Variants in ZSWIM4 observed in about 807,000 individuals in gnomAD.
ZSWIM4 encodes zinc finger SWIM domain-containing protein 4.
A neutral mutation model predicts 102.5 loss-of-function variants in ZSWIM4; 62 were observed. That is an observed-to-expected ratio of 0.60 (90% CI 0.49 to 0.75). The LOEUF (loss-of-function observed/expected upper bound fraction) is 0.75. Ranked by LOEUF, ZSWIM4 falls within the 30% of genes least tolerant of loss-of-function variation. The probability of loss-of-function intolerance (pLI) is 0.00; values close to 1 mark genes in which losing one functional copy is unlikely to be tolerated. For synonymous variants in ZSWIM4, 652 were observed against 674.5 expected (o/e 0.97, Z 0.52); for missense variants, 1,280 against 1,529.6 (o/e 0.84, Z 2.72).
chr19:13,817,677 G>A (rs542736961), intron 8 of ZSWIM4, 45 bp from the exon 9 acceptor site: 46 of 1,598,442 alleles, frequency 2.9e-5, no homozygotes, highest in Non-Finnish European at 3.8e-5. Flanking sequence ...AGGGACCTTA[G>A]GGAAGGGGAT....
rs1416461108 is a variant in ZSWIM4 at position 13,804,530 on chromosome 19, C to G, written c.356-262C>G. ...GGCATGGTGGTGTGTGCCTGTAATC[C>G]CAGTTACTTGGGAGGCTGAAGCAGG... On this transcript the variant is annotated intron_variant, in intron 2 of 13. Coordinates refer to ENST00000590508, the MANE Select transcript of ZSWIM4 (RefSeq NM_001367834.3). Among the ~76,000 whole-genome samples, 3 of 151,800 alleles carry G rather than the reference C, an allele frequency of 2.0e-5. No homozygotes were observed. In the East Asian group the frequency reaches 5.8e-4, roughly 29 times the overall value.
At chr19:13,808,800 C>G in intron 3 of ZSWIM4, 36 bp from the exon 4 acceptor site, 1 of 1,553,450 alleles carries the variant, frequency 6.4e-7, no homozygotes, top group East Asian at 2.4e-5. Context: ...CCAACTCCAG[C>G]CCCAGCCTCA....
chr19:13,817,841 GC>G lies in ZSWIM4; in HGVS notation c.1792del (p.Leu598CysfsTer89). ...ACTGCTGGGGCTGGGGCAGCAGCGG[GC>G]CCTGCCGGAGGGGCTGTACGCCCAG... ...VALLGLGQQR[A>X]LPEGLYAQDK... On this transcript the variant is annotated frameshift_variant, in exon 9 of 14. Coordinates refer to ENST00000590508, the MANE Select transcript of ZSWIM4 (RefSeq NM_001367834.3). LOFTEE classifies it high-confidence loss of function. 2 of 1,565,470 alleles carry G rather than the reference GC, an allele frequency of 1.3e-6. No homozygotes were observed. The highest frequency in any genetic ancestry group is 1.7e-6 in the Non-Finnish European group (2 of 1,155,172).
intron 2 of ZSWIM4, among the ~76,000 whole-genome samples, chr19:13,804,116 G>A (rs372836713): frequency 6.6e-6 from 1 of 151,418 alleles, no homozygotes; most frequent in Non-Finnish European, 1.5e-5. Flanking sequence ...TACCAGCCTC[G>A]GCCTCCCAAA....
At position 13,830,176 on chromosome 19, in the gene ZSWIM4, C is replaced by A. The variant is rs1285845457; in HGVS notation, c.2462-15C>A. 1 of 1,601,008 alleles carries A rather than the reference C, an allele frequency of 6.2e-7. No individual in the cohort carries two copies. Among genetic ancestry groups the A allele is most frequent in the South Asian group, 1.1e-5 (1 of 90,530 alleles). ...CCCCGCTCCTGACGGATTTCCCTCC[C>A]TCACCTCCCACCAGGCCCGCAAGCC... On this transcript the variant is annotated splice_polypyrimidine_tract_variant and intron_variant, in intron 13 of 13. Transcript: ENST00000590508.
intron 13 of ZSWIM4, among the ~76,000 whole-genome samples, chr19:13,829,583 T>TC (rs1192040359): frequency 1.3e-5 from 2 of 151,888 alleles, no homozygotes; most frequent in Non-Finnish European, 2.9e-5. Context: ...AGAGCAAGAC[T>TC]CCATCTCAAA....
rs1599597256 is a variant in ZSWIM4, at chr19:13,812,994, C to T, written c.1013-3C>T. Reference sequence around the variant, plus strand: ...ATATTGAGCCTGCCCCGTGCCTCCTCAGGGGCCCTGTGGGTTTGCGTCGTC... The same window carrying T: ...ATATTGAGCCTGCCCCGTGCCTCCTTAGGGGCCCTGTGGGTTTGCGTCGTC... On this transcript the variant is annotated splice_region_variant and splice_polypyrimidine_tract_variant and intron_variant, in intron 5 of 13. Transcript: ENST00000590508. 6.2e-7 allele frequency: 1 copy of T among 1,604,378 alleles called. No homozygotes were observed. Among genetic ancestry groups the T allele is most frequent in the East Asian group, 2.2e-5 (1 of 44,576 alleles).
chr19:13,831,179 C>A lies in ZSWIM4; in HGVS notation c.*129C>A. On this transcript the variant is annotated 3_prime_UTR_variant, in exon 14 of 14. Transcript: ENST00000590508. ...GAAGGAGCCCGGCTGGAGATGGGGG[C>A]AGGGGGAGCAGCATCCTGCCACGTG... 8.3e-7 allele frequency: 1 copy of A among 1,211,824 alleles called. No individual in the cohort carries two copies. The highest frequency in any genetic ancestry group is 1.1e-6 in the Non-Finnish European group (1 of 887,770). 75.1% of individuals were successfully genotyped at this position (1,211,824 alleles called of 1,614,324 possible). A position where few individuals can be genotyped will look rare whatever the true frequency, so the allele number is the denominator to read the frequency against.
intron 3 of ZSWIM4, among the ~76,000 whole-genome samples, chr19:13,807,922 G>T (rs559548510): frequency 3.4e-4 from 52 of 152,234 alleles, no homozygotes; most frequent in African/African-American, 1.2e-3. Context: ...AAGGAAACAG[G>T]TTTAATCGGC....
chr19:13,814,547 A>T lies in ZSWIM4; in HGVS notation c.1213A>T (p.Ser405Cys), dbSNP rs1975208678. 4 of 1,154,586 alleles carry T rather than the reference A, an allele frequency of 3.5e-6. No individual in the cohort carries two copies. The highest frequency in any genetic ancestry group is 1.6e-5 in the African/African-American group (1 of 61,752). 71.5% of individuals were successfully genotyped at this position (1,154,586 alleles called of 1,614,324 possible). A position where few individuals can be genotyped will look rare whatever the true frequency, so the allele number is the denominator to read the frequency against. The change falls in exon 7 of 14, where the codon AGT becomes TGT. Residue 405 changes from serine to cysteine, a missense_variant. By Grantham distance (112) the Ser-to-Cys change is moderately radical (BLOSUM62 -1). Transcript: ENST00000590508. ...SEEEEEVAAT[S>C]PRHTVFGRAL... ...GGAAGAGGAAGAGGTGGCAGCCACA[A>T]GTCCCCGCCACACGGTATTTGGCCG...
chr19:13,799,107 T>A (rs557818106), intron 1 of ZSWIM4, among the ~76,000 whole-genome samples: 127 of 151,992 alleles, frequency 8.4e-4, no homozygotes, highest in Non-Finnish European at 1.5e-3. Flanking sequence ...TGAGATGGGA[T>A]CTTGCTCTGT....
chr19:13,797,779 A>G (rs1247530510), intron 1 of ZSWIM4, among the ~76,000 whole-genome samples: 1 of 152,112 alleles, frequency 6.6e-6, no homozygotes, highest in Non-Finnish European at 1.5e-5. Flanking sequence ...CAGCCTCCTG[A>G]GTAGCTGGGA....
At position 13,813,085 on chromosome 19, in the gene ZSWIM4, G is replaced by A; in HGVS notation, c.1101G>A (p.Lys367=). The change falls in exon 6 of 14, where the codon AAG becomes AAA. Residue 367 remains lysine, a synonymous_variant. Transcript: ENST00000590508. ...GWLQLLSRWD[K]LDVCPLEEGN... ...TCCAGCTACTCAGCAGGTGGGACAAGCTCGACGTCTGCCCACTGGAAGAGG... is the reference window on the plus strand; with the variant it reads ...TCCAGCTACTCAGCAGGTGGGACAAACTCGACGTCTGCCCACTGGAAGAGG... The A allele has an allele frequency of 6.2e-7, 1 of 1,613,980 alleles. No individual in the cohort carries two copies.
intron 2 of ZSWIM4, among the ~76,000 whole-genome samples, chr19:13,802,373 G>A (rs1475979327): frequency 2.0e-5 from 3 of 151,078 alleles, no homozygotes; most frequent in Non-Finnish European, 4.4e-5. Context: ...ATCACCTAAG[G>A]TCAGGAGTTC....
Position 13,828,829 on chromosome 19 carries a change from G to C in ZSWIM4, c.2461+103G>C, listed in dbSNP as rs1053934024. On this transcript the variant is annotated intron_variant, in intron 13 of 13. Transcript: ENST00000590508. The stretch of plus-strand genomic sequence containing the variant: ...AAGAAAGAGAGAAGTGGCGGGGTGC[G>C]GTGGCTCACACCTGTAATCCCAGCA... 2.6e-6 allele frequency: 3 copies of C among 1,135,600 alleles called. No individual in the cohort carries two copies. In the Admixed American group the frequency reaches 5.8e-5, roughly 22 times the overall value. 70.3% of individuals were successfully genotyped at this position (1,135,600 alleles called of 1,614,324 possible).
At chr19:13,806,450 C>T (rs345627) in intron 3 of ZSWIM4, among the ~76,000 whole-genome samples, 74,802 of 151,604 alleles carry the variant, frequency 0.49, 22,314 homozygotes, top group African/African-American at 0.85. Flanking sequence ...GAGGATCACT[C>T]GAGACCAGCA....
At position 13,817,086 on chromosome 19, in the gene ZSWIM4, T is replaced by C. The variant is rs887526833; in HGVS notation, c.1532-130T>C. Reference sequence around the variant, plus strand: ...CCACCTCAAAAAAAAAAGTTGAAGGTGACCATTGGGTGAGCAGGTGGTGGG... The same window carrying C: ...CCACCTCAAAAAAAAAAGTTGAAGGCGACCATTGGGTGAGCAGGTGGTGGG... On this transcript the variant is annotated intron_variant, in intron 7 of 13. Coordinates refer to ENST00000590508, the MANE Select transcript of ZSWIM4 (RefSeq NM_001367834.3). 1.8e-5 allele frequency: 24 copies of C among 1,312,050 alleles called. No homozygotes were observed. In the East Asian group the frequency reaches 5.8e-4, roughly 32 times the overall value. The allele number at this position is 1,312,050 out of a possible 1,614,324, so 81.3% of individuals were successfully genotyped here. A position where few individuals can be genotyped will look rare whatever the true frequency, so the allele number is the denominator to read the frequency against.
At chr19:13,816,673 C>T (rs1568338142) in intron 7 of ZSWIM4, among the ~76,000 whole-genome samples, 1 of 151,992 alleles carries the variant, frequency 6.6e-6, no homozygotes, top group African/African-American at 2.4e-5. Flanking sequence ...AGGAGTTACC[C>T]AGGAGAAGGG....
At chr19:13,824,734 AAATAATAATAAT>A (rs59668197) in intron 11 of ZSWIM4, among the ~76,000 whole-genome samples, 182 of 146,798 alleles carry the variant, frequency 1.2e-3, no homozygotes, top group Admixed American at 4.4e-3. Context: ...CTCCATCTCA[AAATAATAATAAT>A]AATAATAATA....
Sources: gnomAD v4.1 joint callset for allele counts (sites outside exome capture counted in the v4.1 genomes callset) on GRCh38, gnomAD v4.1.1 for gene constraint, MANE v1.5 for transcripts, NCBI Gene and HGNC (gene_info 2026-07-23, HGNC 2026-07-21) for gene names.